The following EEFSEC variants were observed in gnomAD, a reference collection of about 807,000 sequenced individuals.
EEFSEC encodes selenocysteine-specific elongation factor.
In EEFSEC, 43 loss-of-function variants were observed where a neutral mutation model predicts 42.1. That is an observed-to-expected ratio of 1.02 (90% CI 0.80 to 1.32). EEFSEC has a LOEUF of 1.32. Among genes scored for constraint, EEFSEC ranks in the 40% most tolerant of loss-of-function variants. The probability of loss-of-function intolerance (pLI) is 0.00; values close to 1 mark genes in which losing one functional copy is unlikely to be tolerated. For missense variants in EEFSEC, 745 were observed against 803.6 expected, an observed-to-expected ratio of 0.93 and a Z score of 0.88; for synonymous variants, 354 against 339.1, an observed-to-expected ratio of 1.04 and a Z score of -0.48.
intron 4 of EEFSEC, among the ~76,000 whole-genome samples, chr3:128,293,145 T>G (rs977114130): frequency 1.3e-5 from 2 of 152,216 alleles, no homozygotes; most frequent in African/African-American, 4.8e-5. Flanking sequence ...GAATACACAT[T>G]TCATGTTTTC....
At chr3:128,413,757 C>A in the EEFSEC span, among the ~76,000 whole-genome samples, 1 of 152,184 alleles carries the variant, frequency 6.6e-6, no homozygotes, top group Non-Finnish European at 1.5e-5. Flanking sequence ...CCTCACCCCC[C>A]AAGGTCATTC....
intron 6 of EEFSEC, among the ~76,000 whole-genome samples, chr3:128,374,882 G>A (rs773784162): frequency 2.0e-5 from 3 of 152,240 alleles, no homozygotes; most frequent in Non-Finnish European, 4.4e-5. Flanking sequence ...GAGCCCCAGA[G>A]CTGAGACTTG....
At chr3:128,330,063 A>G (rs894312191) in intron 4 of EEFSEC, among the ~76,000 whole-genome samples, 2 of 152,218 alleles carry the variant, frequency 1.3e-5, no homozygotes. Flanking sequence ...CAGGGATGTC[A>G]TTAAAAACAA....
chr3:128,283,352 A>G, intron 4 of EEFSEC, among the ~76,000 whole-genome samples: 1 of 152,232 alleles, frequency 6.6e-6, no homozygotes, highest in African/African-American at 2.4e-5. Flanking sequence ...TCAGATGAGC[A>G]TAAGGAAGGA....
intron 4 of EEFSEC, among the ~76,000 whole-genome samples, chr3:128,277,809 A>G (rs1278532488): frequency 6.6e-6 from 1 of 152,254 alleles, no homozygotes; most frequent in Non-Finnish European, 1.5e-5. Flanking sequence ...GAGGGCAGAT[A>G]GCAAGGGAAC....
At chr3:128,374,458 G>A (rs1477503794) in intron 6 of EEFSEC, among the ~76,000 whole-genome samples, 3 of 152,126 alleles carry the variant, frequency 2.0e-5, no homozygotes, top group Non-Finnish European at 2.9e-5. Flanking sequence ...TTGAGTGTGG[G>A]CCATTCAGTC....
At chr3:128,381,701 C>T (rs1377114770) in intron 6 of EEFSEC, among the ~76,000 whole-genome samples, 1 of 152,128 alleles carries the variant, frequency 6.6e-6, no homozygotes, top group Non-Finnish European at 1.5e-5. Context: ...TGTGCAGCTG[C>T]GTGCCGTGGA....
intron 4 of EEFSEC, among the ~76,000 whole-genome samples, chr3:128,307,821 A>G (rs2066847729): frequency 6.6e-6 from 1 of 152,120 alleles, no homozygotes; most frequent in South Asian, 2.1e-4. Flanking sequence ...TGTAAAGTGG[A>G]GATGATGCTG....
At chr3:128,189,459 AG>A (rs756240643) in intron 1 of EEFSEC, among the ~76,000 whole-genome samples, 6 of 152,048 alleles carry the variant, frequency 3.9e-5, no homozygotes, top group Non-Finnish European at 7.3e-5. Context: ...TAGCACATAT[AG>A]TTACTTATAG....
intron 4 of EEFSEC, among the ~76,000 whole-genome samples, chr3:128,282,057 C>T (rs993880643): frequency 6.2e-4 from 94 of 152,222 alleles, no homozygotes; most frequent in African/African-American, 2.2e-3. Context: ...CCACAGGTCC[C>T]GTGCTCCCCA....
At chr3:128,259,263 C>T (rs930720807) in intron 2 of EEFSEC, among the ~76,000 whole-genome samples, 5 of 152,064 alleles carry the variant, frequency 3.3e-5, no homozygotes, top group Non-Finnish European at 2.9e-5. Context: ...CTCTTCCTGG[C>T]GGAAACAAAC....
At chr3:128,261,431 G>A (rs1055913245) in intron 2 of EEFSEC, among the ~76,000 whole-genome samples, 3 of 151,936 alleles carry the variant, frequency 2.0e-5, no homozygotes, top group Non-Finnish European at 2.9e-5. Flanking sequence ...ATATGAAATC[G>A]TATACATACT....
chr3:128,359,831 C>T (rs1182166933), intron 6 of EEFSEC, among the ~76,000 whole-genome samples: 1 of 152,162 alleles, frequency 6.6e-6, no homozygotes, highest in Non-Finnish European at 1.5e-5. Context: ...GTCAAATCTC[C>T]TAAAGAGAAG....
chr3:128,246,477 T>C (rs929464148), intron 1 of EEFSEC, among the ~76,000 whole-genome samples: 2 of 152,158 alleles, frequency 1.3e-5, no homozygotes, highest in African/African-American at 4.8e-5. Context: ...TTTTTCCCCC[T>C]GCTGAGACAT....
chr3:128,262,420 C>T (rs887493985), intron 3 of EEFSEC, among the ~76,000 whole-genome samples, 196 bp downstream of exon 3: 2 of 152,170 alleles, frequency 1.3e-5, no homozygotes, highest in Non-Finnish European at 2.9e-5. Flanking sequence ...AACTAGGACT[C>T]CTAAGGTTCA....
chr3:128,164,612 CT>C (rs542873131), intron 1 of EEFSEC, among the ~76,000 whole-genome samples: 30 of 152,162 alleles, frequency 2.0e-4, no homozygotes, highest in African/African-American at 7.0e-4. Context: ...GTCCAACTGG[CT>C]TGTGGGAATT....
chr3:128,172,977 A>C (rs1046568814), intron 1 of EEFSEC, among the ~76,000 whole-genome samples: 5 of 152,244 alleles, frequency 3.3e-5, no homozygotes, highest in Non-Finnish European at 7.3e-5. Context: ...TAGATGCCAC[A>C]TAAGCTGTGG....
chr3:128,186,835 A>G (rs985812701), intron 1 of EEFSEC, among the ~76,000 whole-genome samples: 6 of 152,178 alleles, frequency 3.9e-5, no homozygotes, highest in South Asian at 2.1e-4. Context: ...ATTTTCCCCC[A>G]GCGGCTTAGG....
chr3:128,171,303 T>G (rs1201744392), intron 1 of EEFSEC, among the ~76,000 whole-genome samples: 1 of 152,206 alleles, frequency 6.6e-6, no homozygotes, highest in Non-Finnish European at 1.5e-5. Flanking sequence ...CTTGCTATCT[T>G]TTTTCCTTAA....
Sources: allele counts gnomAD v4.1 joint callset (sites outside exome capture counted in the v4.1 genomes callset), GRCh38; gene constraint gnomAD v4.1.1; transcripts MANE v1.5; gene names NCBI Gene and HGNC (gene_info 2026-07-23, HGNC 2026-07-21).